COPS2: variants seen among roughly 807,000 people sequenced by gnomAD.
The protein encoded by COPS2 is COP9 signalosome complex subunit 2.
COPS2 carries 10 observed loss-of-function variants against 66.1 expected under a neutral mutation model. That is an observed-to-expected ratio of 0.15 (90% CI 0.09 to 0.26). The LOEUF (loss-of-function observed/expected upper bound fraction) is 0.26. COPS2 is among the 10% of genes least tolerant of loss of function. The pLI is 1.00. For synonymous variants in COPS2, 179 were observed against 171.3 expected (o/e 1.04, Z -0.35); for missense variants, 215 against 513.3 (o/e 0.42, Z 5.62).
chr15:49,152,057 T>G (rs2084365749), intron 1 of COPS2, among the ~76,000 whole-genome samples: 1 of 151,678 alleles, frequency 6.6e-6, no homozygotes, highest in Non-Finnish European at 1.5e-5. Flanking sequence ...TGCTCTTAGT[T>G]AACACTTTAA....
chr15:49,133,819 C>T lies in COPS2; in HGVS notation c.895-8G>A. On this transcript the variant is annotated splice_polypyrimidine_tract_variant and splice_region_variant and intron_variant, in intron 8 of 12. Transcript: ENST00000388901. ...ATTTTTGTACGGCTTGGCCTAAACA[C>T]AGTAAAGAAAAAAATTAAATATATG... 5.7e-6 allele frequency: 9 copies of T among 1,574,032 alleles called. No individual in the cohort carries two copies. The highest frequency in any genetic ancestry group is 7.7e-6 in the Non-Finnish European group (9 of 1,166,370).
intron 7 of COPS2, 45 bp downstream of exon 7, chr15:49,134,295 G>T: frequency 1.3e-6 from 2 of 1,573,554 alleles, no homozygotes; most frequent in South Asian, 1.2e-5. Flanking sequence ...TAAACACTTT[G>T]ATATCTCCCC....
chr15:49,147,176 T>C (rs1351895192), intron 1 of COPS2, among the ~76,000 whole-genome samples: 1 of 152,198 alleles, frequency 6.6e-6, no homozygotes, highest in Non-Finnish European at 1.5e-5. Context: ...AGATTTACCA[T>C]ATATGATTTA....
rs546244042 is a variant in COPS2 at position 49,126,785 on chromosome 15, T to G, written c.*1165A>C. ...ATATACTTTCTGCATTACCTCAAAG[T>G]TAGGTGGAAGTTTTGGAAACTTTCA... is the stretch of plus-strand genomic sequence containing the variant. On this transcript the variant is annotated 3_prime_UTR_variant, in exon 13 of 13. Transcript: ENST00000388901. 7.9e-5 allele frequency: 12 copies of G among 152,176 alleles called. No homozygotes were observed. Among genetic ancestry groups the G allele is most frequent in the Admixed American group, 7.9e-4 (12 of 15,278 alleles). 9.4% of individuals were successfully genotyped at this position (152,176 alleles called of 1,614,324 possible).
chr15:49,155,414 G>T (rs1012961342), intron 1 of COPS2, 111 bp downstream of exon 1: 8 of 963,800 alleles, frequency 8.3e-6, no homozygotes, highest in African/African-American at 1.6e-5. Flanking sequence ...ACCGCACTGA[G>T]AGAGGCTGTA....
At position 49,132,523 on chromosome 15, in the gene COPS2, G is replaced by A. The variant is rs1344494581; in HGVS notation, c.947+1236C>T. Among the ~76,000 whole-genome samples, 3 of 109,702 alleles carry A rather than the reference G, an allele frequency of 2.7e-5. No homozygotes were observed. The East Asian group carries it at 9.2e-4, about 34-fold the overall frequency. 72.0% of individuals were successfully genotyped at this position (109,702 alleles called of 152,430 possible). Reference sequence around the variant, plus strand: ...ATAGTGTTTTCTGTTAAATGAAAAAGTACTATAAATAGAACTTCTGGTCAC... The same window carrying A: ...ATAGTGTTTTCTGTTAAATGAAAAAATACTATAAATAGAACTTCTGGTCAC... On this transcript the variant is annotated intron_variant, in intron 9 of 12. Coordinates refer to ENST00000388901, the MANE Select transcript of COPS2 (RefSeq NM_004236.4).
At chr15:49,134,538 T>C (rs1181815875) in intron 6 of COPS2, 24 bp from the exon 7 acceptor site, 3 of 1,551,238 alleles carry the variant, frequency 1.9e-6, no homozygotes, top group African/African-American at 2.7e-5. Flanking sequence ...TATTTAACTT[T>C]AGACAAGATA....
rs745857607 is a variant in COPS2 at position 49,130,711 on chromosome 15, G to C, written c.1045+8C>G. The C allele has an allele frequency of 6.5e-7, 1 of 1,533,556 alleles. No homozygotes were observed. Among genetic ancestry groups the C allele is most frequent in the South Asian group, 1.2e-5 (1 of 86,484 alleles). The allele number at this position is 1,533,556 out of a possible 1,614,324, so 95.0% of individuals were successfully genotyped here. On this transcript the variant is annotated splice_region_variant and intron_variant, in intron 10 of 12. Coordinates refer to ENST00000388901, the MANE Select transcript of COPS2 (RefSeq NM_004236.4). ...AGTAATAGAATCCAGTTGGCAGAAA[G>C]AACATACCTTCAATGTGTTCTCTTA...
chr15:49,124,235 G>T lies in COPS2; in HGVS notation c.*3715C>A, dbSNP rs2084146145. 1 of 152,164 alleles carries T rather than the reference G, an allele frequency of 6.6e-6. No individual in the cohort carries two copies. The highest frequency in any genetic ancestry group is 2.4e-5 in the African/African-American group (1 of 41,404). 9.4% of individuals were successfully genotyped at this position (152,164 alleles called of 1,614,324 possible). ...AAAAACACAAAAATTAGCTGGGCGTGGTGGCGGGTGTCTGTAATCCCAGCT... is the reference window on the plus strand; with the variant it reads ...AAAAACACAAAAATTAGCTGGGCGTTGTGGCGGGTGTCTGTAATCCCAGCT... On this transcript the variant is annotated 3_prime_UTR_variant, in exon 13 of 13. Transcript: ENST00000388901.
chr15:49,131,862 A>G (rs548252594), intron 9 of COPS2, among the ~76,000 whole-genome samples: 1 of 152,324 alleles, frequency 6.6e-6, no homozygotes, highest in South Asian at 2.1e-4. Flanking sequence ...CTTATACAAA[A>G]TTGTGGGACA....
chr15:49,146,586 G>T (rs1280898069), intron 1 of COPS2, among the ~76,000 whole-genome samples: 1 of 151,970 alleles, frequency 6.6e-6, no homozygotes, highest in Non-Finnish European at 1.5e-5. Flanking sequence ...ACAATGAAAG[G>T]TAACTATTTG....
In COPS2 at chr15:49,137,218, A is replaced by T; in HGVS notation, c.472T>A (p.Leu158Ile). Residue 158 changes from leucine to isoleucine, a missense_variant, in exon 6 of 13, where the codon TTA (leucine) becomes ATA (isoleucine). Leu to Ile is a conservative substitution (Grantham distance 5, BLOSUM62 2). Around this residue, in one of 5 missense-constraint regions of COPS2, gnomAD observed 90 missense variants for 225.1 expected, o/e 0.40. Transcript: ENST00000388901. ...CCATATTCCTCTCGTTCTAAATATA[A>T]TTTTCCAAGCTGCAAGAAAGCAAAT... Reference protein sequence around the residue: ...WFKTNTKLGKLYLEREEYGKL... With the variant: ...WFKTNTKLGKIYLEREEYGKL... The T allele has an allele frequency of 1.2e-6, 2 of 1,601,758 alleles. No homozygotes were observed. The highest frequency in any genetic ancestry group is 1.1e-5 in the South Asian group (1 of 87,852).
At chr15:49,147,469 T>C (rs868376828) in intron 1 of COPS2, among the ~76,000 whole-genome samples, 1 of 152,048 alleles carries the variant, frequency 6.6e-6, no homozygotes, top group African/African-American at 2.4e-5. Context: ...ATGACAACAG[T>C]AGGACTAGTA....
In COPS2 at chr15:49,127,202, T is replaced by C. The variant is rs1024386414; in HGVS notation, c.*748A>G. 1.3e-5 allele frequency: 2 copies of C among 152,324 alleles called. No individual in the cohort carries two copies. The highest frequency in any genetic ancestry group is 4.8e-5 in the African/African-American group (2 of 41,466). 9.4% of individuals were successfully genotyped at this position (152,324 alleles called of 1,614,324 possible). ...CTTACTCTATCAATAAAGACTACTTTTAAAAACTTGAAAGCAAATAACCAA... is the reference window on the plus strand; with the variant it reads ...CTTACTCTATCAATAAAGACTACTTCTAAAAACTTGAAAGCAAATAACCAA... On this transcript the variant is annotated 3_prime_UTR_variant, in exon 13 of 13. Transcript: ENST00000388901.
At chr15:49,130,899 A>ATT in intron 9 of COPS2, 83 bp from the exon 10 acceptor site, 1 of 628,268 alleles carries the variant, frequency 1.6e-6, no homozygotes, top group Non-Finnish European at 2.7e-6. Context: ...CCTGCTTCTC[A>ATT]ACTTTCATAT....
At chr15:49,150,983 A>T (rs1354734871) in intron 1 of COPS2, among the ~76,000 whole-genome samples, 1 of 152,194 alleles carries the variant, frequency 6.6e-6, no homozygotes, top group African/African-American at 2.4e-5. Flanking sequence ...CCCTAATCCC[A>T]ACTATGAGCT....
At chr15:49,151,306 A>G (rs2084359116) in intron 1 of COPS2, among the ~76,000 whole-genome samples, 1 of 151,880 alleles carries the variant, frequency 6.6e-6, no homozygotes, top group East Asian at 1.9e-4. Context: ...AGGTTGAGGC[A>G]GGAGAATTGC....
rs1283049465 is a variant in COPS2 at position 49,125,469 on chromosome 15, TG to T, written c.*2480del. 1.3e-5 allele frequency: 2 copies of T among 152,138 alleles called. No homozygotes were observed. The highest frequency in any genetic ancestry group is 2.9e-5 in the Non-Finnish European group (2 of 67,960). 9.4% of individuals were successfully genotyped at this position (152,138 alleles called of 1,614,324 possible). On this transcript the variant is annotated 3_prime_UTR_variant, in exon 13 of 13. Coordinates refer to ENST00000388901, the MANE Select transcript of COPS2 (RefSeq NM_004236.4). ...TACAATATGATGTAAACCACTGGTA[TG>T]GTTTTCACAAAAGTGGAAAAGATTT...
At chr15:49,151,006 TATA>T (rs545376672) in intron 1 of COPS2, among the ~76,000 whole-genome samples, 24 of 152,274 alleles carry the variant, frequency 1.6e-4, no homozygotes, top group African/African-American at 5.5e-4. Flanking sequence ...ACTAGGGGAA[TATA>T]ATGAGGCTCA....
Sources: allele counts gnomAD v4.1 joint callset (sites outside exome capture counted in the v4.1 genomes callset), GRCh38; gene constraint gnomAD v4.1.1; regional missense constraint gnomAD v4.1.1; transcripts MANE v1.5; gene names NCBI Gene and HGNC (gene_info 2026-07-23, HGNC 2026-07-21).